Variants in ADGRL2 observed in about 807,000 individuals in gnomAD.
The protein encoded by ADGRL2 is calcium-independent alpha-latrotoxin receptor 2.
In ADGRL2, 44 loss-of-function variants were observed where a neutral mutation model predicts 157.4. The ratio of observed to expected loss-of-function variants is 0.28; its 90% CI spans 0.22 to 0.36. ADGRL2 has a LOEUF of 0.36. ADGRL2 is among the 10% of genes least tolerant of loss of function. The pLI, the probability that ADGRL2 is intolerant of heterozygous loss-of-function variation, is 1.00. For missense variants in ADGRL2, 1,510 were observed against 1,768.9 expected (o/e 0.85, Z 2.63); for synonymous variants, 585 against 624.7 (o/e 0.94, Z 0.95).
chr1:81,409,034 T>C (rs1280043617), intron 1 of ADGRL2, among the ~76,000 whole-genome samples: 4 of 152,218 alleles, frequency 2.6e-5, no homozygotes, highest in Non-Finnish European at 5.9e-5. Flanking sequence ...GTGTGAAAAA[T>C]GCTGATTCCA....
chr1:81,763,851 A>G (rs1571121837), intron 2 of ADGRL2, among the ~76,000 whole-genome samples: 2 of 151,972 alleles, frequency 1.3e-5, no homozygotes, highest in African/African-American at 4.8e-5. Context: ...TACTAAATAT[A>G]CAAAATTAGC....
At chr1:81,543,391 C>T (rs1396983559) in intron 2 of ADGRL2, among the ~76,000 whole-genome samples, 4 of 152,218 alleles carry the variant, frequency 2.6e-5, no homozygotes, top group South Asian at 4.1e-4. Context: ...CCTTGCCAGA[C>T]ACCAGATCTG....
chr1:81,331,449 C>T (rs1015385762), intron 1 of ADGRL2, among the ~76,000 whole-genome samples: 1 of 152,132 alleles, frequency 6.6e-6, no homozygotes, highest in African/African-American at 2.4e-5. Context: ...TATCAAGTCA[C>T]AGGCATGATA....
intron 2 of ADGRL2, among the ~76,000 whole-genome samples, chr1:81,794,218 A>C (rs531615855): frequency 6.6e-6 from 1 of 152,158 alleles, no homozygotes; most frequent in Non-Finnish European, 1.5e-5. Context: ...ATATAGTTTG[A>C]ATTGGGCTAC....
chr1:81,508,226 C>G (rs549511889), intron 2 of ADGRL2, among the ~76,000 whole-genome samples: 27 of 152,298 alleles, frequency 1.8e-4, no homozygotes, highest in Admixed American at 1.7e-3. Flanking sequence ...CTACACAAAA[C>G]TTAATTGTTT....
chr1:81,910,244 C>CAATAATAATAATAATAATAAT (rs10631240), intron 3 of ADGRL2, among the ~76,000 whole-genome samples: 150 of 143,056 alleles, frequency 1.0e-3, no homozygotes, highest in East Asian at 4.6e-3. Context: ...GCCTAAAAAA[C>CAATAATAATAATAATAATAAT]AATAATAATA....
intron 2 of ADGRL2, among the ~76,000 whole-genome samples, chr1:81,552,896 G>A (rs1450486361): frequency 6.6e-6 from 1 of 152,052 alleles, no homozygotes. Context: ...TACTATTCTT[G>A]AAAGCCACTT....
intron 1 of ADGRL2, among the ~76,000 whole-genome samples, chr1:81,349,695 C>T (rs910766185): frequency 2.6e-5 from 4 of 151,108 alleles, no homozygotes; most frequent in Admixed American, 2.6e-4. Context: ...TCACTAAATC[C>T]AAGCATTCTC....
chr1:81,670,203 G>T (rs1289720154), intron 3 of ADGRL2, among the ~76,000 whole-genome samples: 3 of 152,176 alleles, frequency 2.0e-5, no homozygotes, highest in Non-Finnish European at 4.4e-5. Context: ...TTTGATGACT[G>T]ATTGTAGTTC....
Position 81,943,308 on chromosome 1 carries a change from A to G in ADGRL2, c.749A>G (p.Asn250Ser). Reference protein sequence around the residue: ...TRIKSGEAIINYANYHDTSPY... With the variant: ...TRIKSGEAIISYANYHDTSPY... ...ATTAAGAGTGGCGAGGCCATAATTA[A>G]CTATGCCAACTACCATGATACCTCA... Residue 250 changes from asparagine (N) to serine (S), a missense_variant, in exon 6 of 24, where the codon AAC becomes AGC. Asn to Ser is a conservative substitution (Grantham distance 46). This residue lies in a region of ADGRL2 where 361 missense variants were observed against 498.4 expected (regional missense o/e 0.72). Coordinates refer to ENST00000686636, the MANE Select transcript of ADGRL2 (RefSeq NM_001366006.2). This position sits in a 1 kb window ranked among gnomAD's most constrained non-coding sequence, Gnocchi z 5.6. 2 of 1,613,540 alleles carry G rather than the reference A, an allele frequency of 1.2e-6. No homozygotes were observed. Among genetic ancestry groups the G allele is most frequent in the Non-Finnish European group, 1.7e-6 (2 of 1,179,662 alleles).
intron 3 of ADGRL2, among the ~76,000 whole-genome samples, chr1:81,665,336 T>C (rs760432621): frequency 6.6e-6 from 1 of 152,118 alleles, no homozygotes; most frequent in Admixed American, 6.5e-5. Context: ...ATTGATATCT[T>C]ATGTGGTTTC....
rs1233618948 is a variant in ADGRL2, at chr1:81,992,994, C to T, written c.*1849C>T. 7.1e-6 allele frequency among the ~76,000 whole-genome samples: 1 copy of T among 140,418 alleles called. No homozygotes were observed. The highest frequency in any genetic ancestry group is 2.7e-5 in the African/African-American group (1 of 37,210). 92.1% of individuals were successfully genotyped at this position (140,418 alleles called of 152,430 possible). On this transcript the variant is annotated 3_prime_UTR_variant, in exon 24 of 24. Coordinates refer to ENST00000686636, the MANE Select transcript of ADGRL2 (RefSeq NM_001366006.2). Reference sequence around the variant, plus strand: ...CTTATAAATCACTTTTATGTGGACACACACATGCCTATTGAATTTAAAAAG... The same window carrying T: ...CTTATAAATCACTTTTATGTGGACATACACATGCCTATTGAATTTAAAAAG...
At chr1:81,501,437 G>T (rs2078844072) in intron 2 of ADGRL2, among the ~76,000 whole-genome samples, 1 of 152,214 alleles carries the variant, frequency 6.6e-6, no homozygotes, top group South Asian at 2.1e-4. Context: ...GCTTAGAGCT[G>T]CTGTGACTTG....
At chr1:81,520,929 A>ACAG (rs1488777021) in intron 2 of ADGRL2, among the ~76,000 whole-genome samples, 2 of 152,180 alleles carry the variant, frequency 1.3e-5, no homozygotes. Flanking sequence ...AGGGACCAAT[A>ACAG]CGGCTACTTG....
At chr1:81,879,265 A>AT (rs886945803) in intron 2 of ADGRL2, among the ~76,000 whole-genome samples, 9 of 151,400 alleles carry the variant, frequency 5.9e-5, no homozygotes, top group African/African-American at 2.2e-4. Context: ...ACACAGAGTA[A>AT]TTAGCGAGCA....
intron 2 of ADGRL2, among the ~76,000 whole-genome samples, chr1:81,560,549 TTG>T (rs2080416492): frequency 6.6e-6 from 1 of 152,114 alleles, no homozygotes; most frequent in South Asian, 2.1e-4. Flanking sequence ...CACATATGTG[TTG>T]GGAATTCAAC....
At chr1:81,786,805 C>A (rs935568453) in intron 2 of ADGRL2, among the ~76,000 whole-genome samples, 1 of 152,252 alleles carries the variant, frequency 6.6e-6, no homozygotes, top group Admixed American at 6.5e-5. Context: ...TTTTATTTAA[C>A]TACATCTATT....
intron 2 of ADGRL2, among the ~76,000 whole-genome samples, chr1:81,523,372 A>G (rs958434737): frequency 2.0e-5 from 3 of 152,172 alleles, no homozygotes; most frequent in African/African-American, 7.2e-5. Context: ...TTATTAAAAC[A>G]TCCTATAAAG....
chr1:81,502,963 C>G, intron 2 of ADGRL2: 1 of 1,612,954 alleles, frequency 6.2e-7, no homozygotes, highest in East Asian at 2.2e-5. Flanking sequence ...TGATGGAGCC[C>G]CAGTGACAAC....
Sources: gnomAD v4.1 joint callset for allele counts (sites outside exome capture counted in the v4.1 genomes callset) on GRCh38, gnomAD v4.1.1 for gene constraint, gnomAD v4.1.1 regional missense constraint, Gnocchi (gnomAD v3.1) non-coding constraint, MANE v1.5 for transcripts, NCBI Gene and HGNC (gene_info 2026-07-23, HGNC 2026-07-21) for gene names.